The following FAM227A variants were observed in gnomAD, a reference collection of about 807,000 sequenced individuals.
FAM227A encodes the protein protein FAM227A.
FAM227A carries 80 observed loss-of-function variants against 74.7 expected under a neutral mutation model. That is an observed-to-expected ratio of 1.07 (90% CI 0.89 to 1.29). The LOEUF (loss-of-function observed/expected upper bound fraction) is 1.29, where lower values mean the gene tolerates loss of function less well. Among genes scored for constraint, FAM227A ranks in the 50% most tolerant of loss-of-function variants. The pLI, the probability that FAM227A is intolerant of heterozygous loss-of-function variation, is 0.00. For synonymous variants in FAM227A, 237 were observed against 241.8 expected (o/e 0.98, Z 0.19); for missense variants, 654 against 683.4 (o/e 0.96, Z 0.48).
intron 2 of FAM227A, among the ~76,000 whole-genome samples, chr22:38,648,307 A>T (rs1389142823): frequency 1.4e-5 from 1 of 69,980 alleles, no homozygotes; most frequent in Non-Finnish European, 3.2e-5. Context: ...AACTTGATTA[A>T]AAAAAAAAAA....
At chr22:38,593,618 A>G (rs945001023) in intron 15 of FAM227A, among the ~76,000 whole-genome samples, 4 of 152,168 alleles carry the variant, frequency 2.6e-5, no homozygotes, top group Admixed American at 2.6e-4. Context: ...TCCCTTCTCC[A>G]TCCCGACCCT....
At chr22:38,603,799 T>C (rs1217976950) in intron 13 of FAM227A, among the ~76,000 whole-genome samples, 1 of 152,142 alleles carries the variant, frequency 6.6e-6, no homozygotes, top group African/African-American at 2.4e-5. Context: ...AGCCAATTTT[T>C]AGCTAAATTC....
At chr22:38,617,964 TA>T (rs893106525) in intron 11 of FAM227A, among the ~76,000 whole-genome samples, 5 of 151,360 alleles carry the variant, frequency 3.3e-5, no homozygotes, top group African/African-American at 1.2e-4. Flanking sequence ...ATAAACCAAT[TA>T]AAAAAAAGAT....
intron 13 of FAM227A, among the ~76,000 whole-genome samples, chr22:38,604,387 T>C (rs1859418425): frequency 6.6e-6 from 1 of 152,182 alleles, no homozygotes; most frequent in African/African-American, 2.4e-5. Context: ...CCAAATTCTA[T>C]GGCCGACTCC....
At chr22:38,645,693 C>G (rs1214270610) in intron 2 of FAM227A, 48 bp from the exon 3 acceptor site, 6 of 1,226,502 alleles carry the variant, frequency 4.9e-6, no homozygotes, top group Middle Eastern at 1.8e-4. Flanking sequence ...ATTACACACA[C>G]AACAGGATGG....
intron 3 of FAM227A, among the ~76,000 whole-genome samples, chr22:38,642,813 G>A (rs1396285264): frequency 4.6e-5 from 7 of 152,110 alleles, no homozygotes; most frequent in South Asian, 4.1e-4. Context: ...CCACATGTCT[G>A]TAATCCCAGC....
chr22:38,651,523 G>A (rs147187585), intron 1 of FAM227A, among the ~76,000 whole-genome samples: 325 of 152,076 alleles, frequency 2.1e-3, no homozygotes, highest in Admixed American at 4.0e-3. Flanking sequence ...ACCCACAACT[G>A]CCTAATTTTT....
chr22:38,628,749 T>C, intron 7 of FAM227A, 85 bp downstream of exon 7: 1 of 846,684 alleles, frequency 1.2e-6, no homozygotes, highest in Non-Finnish European at 1.9e-6. Context: ...TCAGAGGGGC[T>C]TGTAGCTCAT....
At chr22:38,601,679 A>G (rs2146220725) in intron 13 of FAM227A, among the ~76,000 whole-genome samples, 1 of 152,246 alleles carries the variant, frequency 6.6e-6, no homozygotes, top group Admixed American at 6.5e-5. Context: ...GGGGCCCAGG[A>G]CTTGGTGATT....
chr22:38,654,347 CA>C (rs1192444402), intron 1 of FAM227A, among the ~76,000 whole-genome samples: 5 of 146,688 alleles, frequency 3.4e-5, no homozygotes, highest in Non-Finnish European at 6.0e-5. Flanking sequence ...AACTCGGTCT[CA>C]AAAAAAAAGA....
intron 11 of FAM227A, among the ~76,000 whole-genome samples, chr22:38,609,213 A>G (rs1208791168): frequency 6.6e-6 from 1 of 152,228 alleles, no homozygotes; most frequent in African/African-American, 2.4e-5. Context: ...GAAGGTTTCC[A>G]GAAACTGCCA....
chr22:38,623,143 A>G, intron 10 of FAM227A, 29 bp downstream of exon 10: 11 of 1,458,400 alleles, frequency 7.5e-6, no homozygotes, highest in Middle Eastern at 1.7e-4. Context: ...AGTGGCAAAG[A>G]AGGCGGGAGG....
intron 11 of FAM227A, among the ~76,000 whole-genome samples, chr22:38,616,422 G>A (rs1479856954): frequency 6.6e-6 from 1 of 152,136 alleles, no homozygotes; most frequent in East Asian, 1.9e-4. Flanking sequence ...CAGCACTTTG[G>A]GAGGCTGAGG....
chr22:38,600,333 T>A (rs1193197150), intron 13 of FAM227A, among the ~76,000 whole-genome samples: 8 of 150,518 alleles, frequency 5.3e-5, no homozygotes, highest in East Asian at 1.9e-4. Context: ...TATATATATA[T>A]AATTTTATTT....
chr22:38,647,526 G>A (rs1019863691), intron 2 of FAM227A, among the ~76,000 whole-genome samples: 1 of 152,028 alleles, frequency 6.6e-6, no homozygotes, highest in Admixed American at 6.6e-5. Flanking sequence ...ACAGAGAGCT[G>A]TTTCCATATT....
At chr22:38,623,408 A>G (rs1490150774) in intron 9 of FAM227A, 129 bp from the exon 10 acceptor site, 2 of 576,246 alleles carry the variant, frequency 3.5e-6, no homozygotes, top group East Asian at 5.7e-5. Context: ...ACATAGTGGG[A>G]CTCCGTCTCT....
chr22:38,583,035 C>A lies in FAM227A; in HGVS notation c.*3090G>T. On this transcript the variant is annotated 3_prime_UTR_variant, in exon 17 of 17. Coordinates refer to ENST00000535113, the MANE Select transcript of FAM227A (RefSeq NM_001013647.2). ...GATCCAGAAATAGGAAAGTGTGGTTCCTAGAGAAACTGCAAATGAAGAGTT... is the reference window on the plus strand; with the variant it reads ...GATCCAGAAATAGGAAAGTGTGGTTACTAGAGAAACTGCAAATGAAGAGTT... 7.0e-7 allele frequency: 1 copy of A among 1,432,708 alleles called. No homozygotes were observed. The highest frequency in any genetic ancestry group is 9.5e-7 in the Non-Finnish European group (1 of 1,048,556). 88.7% of individuals were successfully genotyped at this position (1,432,708 alleles called of 1,614,324 possible).
At chr22:38,643,379 G>C (rs971753254) in intron 3 of FAM227A, among the ~76,000 whole-genome samples, 1 of 151,680 alleles carries the variant, frequency 6.6e-6, no homozygotes, top group East Asian at 1.9e-4. Flanking sequence ...CAACAAGGAA[G>C]ATCTGCAGAC....
At chr22:38,620,871 G>C (rs570945219) in intron 10 of FAM227A, among the ~76,000 whole-genome samples, 2 of 151,780 alleles carry the variant, frequency 1.3e-5, no homozygotes, top group Non-Finnish European at 2.9e-5. Flanking sequence ...TCAACCCACA[G>C]GAAAAAAAGG....
Sources: allele counts gnomAD v4.1 joint callset (sites outside exome capture counted in the v4.1 genomes callset), GRCh38; gene constraint gnomAD v4.1.1; transcripts MANE v1.5; gene names NCBI Gene and HGNC (gene_info 2026-07-23, HGNC 2026-07-21).